DDX51: variants seen among roughly 807,000 people sequenced by gnomAD.
The protein encoded by DDX51 is ATP-dependent RNA helicase DDX51.
A neutral mutation model predicts 74.6 loss-of-function variants in DDX51; 67 were observed. The ratio of observed to expected loss-of-function variants is 0.90; its 90% CI spans 0.74 to 1.10. The LOEUF (loss-of-function observed/expected upper bound fraction) is 1.10, where lower values mean the gene tolerates loss of function less well. Among genes scored for constraint, DDX51 ranks in the 50% least tolerant of loss-of-function variants. The pLI, the probability that DDX51 is intolerant of heterozygous loss-of-function variation, is 0.00. For missense variants in DDX51, 1,056 were observed against 905.2 expected, an observed-to-expected ratio of 1.17 and a Z score of -2.14; for synonymous variants, 545 against 402.9, an observed-to-expected ratio of 1.35 and a Z score of -4.22.
chr12:132,140,868 C>T lies in DDX51; in HGVS notation c.1403G>A (p.Gly468Glu), dbSNP rs1242104816. Residue 468 changes from glycine (G) to glutamate (E), a missense_variant, in exon 9 of 15, where the codon GGG (glycine) becomes GAG (glutamate). Coordinates refer to ENST00000397333, the MANE Select transcript of DDX51 (RefSeq NM_175066.4). Reference sequence around the variant, plus strand: ...AGGAAAGGCATACTTCCCCGAATCCCCGTCCCCATCTGTATCTTCCAGGCC... The same window carrying T: ...AGGAAAGGCATACTTCCCCGAATCCTCGTCCCCATCTGTATCTTCCAGGCC... ...HRGLEDTDGD[G>E]DSGKYAFPVG... 2.5e-6 allele frequency: 4 copies of T among 1,613,668 alleles called. No homozygotes were observed. In the Admixed American group the frequency reaches 5.0e-5, roughly 20 times the overall value.
rs762733379 is a variant in DDX51 at position 132,139,036 on chromosome 12, C to G, written c.*236G>C. 1.8e-6 allele frequency: 1 copy of G among 555,310 alleles called. No individual in the cohort carries two copies. Among genetic ancestry groups the G allele is most frequent in the African/African-American group, 1.9e-5 (1 of 53,410 alleles). The allele number at this position is 555,310 out of a possible 1,614,324, so 34.4% of individuals were successfully genotyped here. On this transcript the variant is annotated 3_prime_UTR_variant, in exon 15 of 15. Transcript: ENST00000397333. ...ACCGTTTTACTAAGGCTTCATTGCC[C>G]GCAGCCATCCTGACCTCCACACTCT...
rs776376384 is a variant in DDX51 at position 132,140,415 on chromosome 12, G to A, written c.1673+8C>T. On this transcript the variant is annotated splice_region_variant and intron_variant, in intron 11 of 14. Transcript: ENST00000397333. ...CCACAGAGGCCTTGCCCCTGCCCAG[G>A]AACTCACAGCTGGATCTTCCCCTGT... The A allele has an allele frequency of 6.2e-7, 1 of 1,612,194 alleles. No homozygotes were observed. The highest frequency in any genetic ancestry group is 1.3e-5 in the African/African-American group (1 of 74,204).
chr12:132,140,380 C>T (rs752542831), intron 11 of DDX51, 43 bp downstream of exon 11: 41 of 1,600,356 alleles, frequency 2.6e-5, no homozygotes, highest in Middle Eastern at 1.7e-4. Flanking sequence ...CTGGAGTGGG[C>T]ACCCCCACCC....
Position 132,142,350 on chromosome 12 carries a change from C to T in DDX51, c.743G>A (p.Arg248Gln), listed in dbSNP as rs35650459. The T allele has an allele frequency of 1.1e-4, 179 of 1,613,004 alleles. No homozygotes were observed. In the Middle Eastern group the frequency reaches 1.7e-3, roughly 15 times the overall value. The change falls in exon 4 of 15, where the codon CGG becomes CAG. Residue 248 changes from arginine to glutamine, a missense_variant. Coordinates refer to ENST00000397333, the MANE Select transcript of DDX51 (RefSeq NM_175066.4). The part of the protein sequence containing the change: ...CGFLVGRGGY[R>Q]PSDLCVSAPT... Reference sequence around the variant, plus strand: ...GGCAGAAACACAGAGGTCGCTAGGCCGGTAGCCACCTCTGCCCACCAGAAA... The same window carrying T: ...GGCAGAAACACAGAGGTCGCTAGGCTGGTAGCCACCTCTGCCCACCAGAAA...
rs1268903382 is a variant in DDX51, at chr12:132,140,753, G to A, written c.1441-18C>T. The A allele has an allele frequency of 1.2e-6, 2 of 1,613,022 alleles. No homozygotes were observed. The highest frequency in any genetic ancestry group is 1.1e-5 in the South Asian group (1 of 91,090). On this transcript the variant is annotated intron_variant, in intron 9 of 14. Transcript: ENST00000397333. ...TAGTGGTGCTACAGGGACGGCAGGG[G>A]GTCGGGGTGGAGGTGAGGGTTGGTT...
intron 2 of DDX51, 172 bp downstream of exon 2, chr12:132,143,523 T>C: frequency 3.6e-6 from 3 of 843,312 alleles, no homozygotes; most frequent in Non-Finnish European, 5.3e-6. Context: ...ACGGGAGCTC[T>C]GCACGTGCAG....
In DDX51 at chr12:132,140,559, C is replaced by G. The variant is rs375258932; in HGVS notation, c.1557-20G>C. 6.2e-7 allele frequency: 1 copy of G among 1,612,808 alleles called. No individual in the cohort carries two copies. Among genetic ancestry groups the G allele is most frequent in the South Asian group, 1.1e-5 (1 of 91,074 alleles). ...AAGAGCCTAGGCAGAGAGAAGGCTG[C>G]GGCCAAGTGATGCTGGGACCAGAGG... is the stretch of plus-strand genomic sequence containing the variant. On this transcript the variant is annotated intron_variant, in intron 10 of 14. Transcript: ENST00000397333.
At chr12:132,143,544 C>T (rs1461927300) in intron 2 of DDX51, 151 bp downstream of exon 2, 2 of 1,035,116 alleles carry the variant, frequency 1.9e-6, no homozygotes, top group Non-Finnish European at 2.8e-6. Context: ...GATCCAGACC[C>T]CTAGGCGATG....
chr12:132,142,746 T>A lies in DDX51; in HGVS notation c.652A>T (p.Ile218Phe). 6.2e-7 allele frequency: 1 copy of A among 1,612,904 alleles called. No homozygotes were observed. Among genetic ancestry groups the A allele is most frequent in the Non-Finnish European group, 8.5e-7 (1 of 1,179,996 alleles). Residue 218 changes from isoleucine (I) to phenylalanine (F), a missense_variant, in exon 3 of 15, where the codon ATC becomes TTC. By Grantham distance (21) the Ile-to-Phe change is conservative. Coordinates refer to ENST00000397333, the MANE Select transcript of DDX51 (RefSeq NM_175066.4). ...GGGGCACCTGGAAAGTAGGACGAGA[T>A]GCCGTGTGCCCGCAGCTGCTTCTGC... ...DLQKQLRAHG[I>F]SSYFPVQAAV... is the part of the protein sequence containing the mutation.
At position 132,139,263 on chromosome 12, in the gene DDX51, AGC is replaced by A. The variant is rs1339707788; in HGVS notation, c.*7_*8del. On this transcript the variant is annotated 3_prime_UTR_variant, in exon 15 of 15. Transcript: ENST00000397333. ...AGCGTTCAGTCCCTCCGGCCCTCTG[AGC>A]CCCAGCCTAGGCCGCCCTCTGCTTG... 6.2e-7 allele frequency: 1 copy of A among 1,607,974 alleles called. No homozygotes were observed.
rs770047914 is a variant in DDX51 at position 132,140,870 on chromosome 12, G to A, written c.1401C>T (p.Asp467=). The change falls in exon 9 of 15, where the codon GAC becomes GAT. Residue 467 remains aspartate, a synonymous_variant. Transcript: ENST00000397333. ...AHRGLEDTDG[D]GDSGKYAFPV... The stretch of plus-strand genomic sequence containing the variant: ...GAAAGGCATACTTCCCCGAATCCCC[G>A]TCCCCATCTGTATCTTCCAGGCCCC... The A allele has an allele frequency of 3.0e-5, 48 of 1,613,460 alleles. No individual in the cohort carries two copies. Among genetic ancestry groups the A allele is most frequent in the Admixed American group, 1.5e-4 (9 of 59,994 alleles).
intron 5 of DDX51, 30 bp downstream of exon 5, chr12:132,142,089 T>C: frequency 6.4e-7 from 1 of 1,559,334 alleles, no homozygotes; most frequent in Non-Finnish European, 8.7e-7. Flanking sequence ...AGGCGGGCGG[T>C]GCCACGCTCC....
rs934243380 is a variant in DDX51 at position 132,143,551 on chromosome 12, G to A, written c.519+144C>T. On this transcript the variant is annotated intron_variant, in intron 2 of 14. Transcript: ENST00000397333. ...ACGTGCAGGATCCAGACCCCTAGGCGATGAAACTGCAGACCTGGCAGCGAG... is the reference window on the plus strand; with the variant it reads ...ACGTGCAGGATCCAGACCCCTAGGCAATGAAACTGCAGACCTGGCAGCGAG... The A allele has an allele frequency of 5.4e-6, 6 of 1,108,962 alleles. No homozygotes were observed. The African/African-American group carries it at 8.1e-5, about 15-fold the overall frequency. The allele number at this position is 1,108,962 out of a possible 1,614,324, so 68.7% of individuals were successfully genotyped here.
chr12:132,142,067 G>A, intron 5 of DDX51, 52 bp downstream of exon 5: 1 of 1,576,898 alleles, frequency 6.3e-7, no homozygotes, highest in Non-Finnish European at 8.6e-7. Context: ...TGTGCACTCA[G>A]CAGGGAAGCT....
In DDX51 at chr12:132,141,033, G is replaced by T. The variant is rs371407941; in HGVS notation, c.1251-13C>A. The T allele has an allele frequency of 1.3e-6, 2 of 1,583,232 alleles. No individual in the cohort carries two copies. Among genetic ancestry groups the T allele is most frequent in the Admixed American group, 1.9e-5 (1 of 52,176 alleles). On this transcript the variant is annotated splice_polypyrimidine_tract_variant and intron_variant, in intron 8 of 14. Transcript: ENST00000397333. ...GGGACAGCAGGTGCTGGAAGAGAAGGGGGTGTTGCTGGCACCCTACCAGTG... is the reference window on the plus strand; with the variant it reads ...GGGACAGCAGGTGCTGGAAGAGAAGTGGGTGTTGCTGGCACCCTACCAGTG...
chr12:132,139,048 G>C lies in DDX51; in HGVS notation c.*224C>G. On this transcript the variant is annotated 3_prime_UTR_variant, in exon 15 of 15. Transcript: ENST00000397333. The stretch of plus-strand genomic sequence containing the variant: ...AGGCTTCATTGCCCGCAGCCATCCT[G>C]ACCTCCACACTCTGAAAGTGACAAG... 1.7e-6 allele frequency: 1 copy of C among 598,644 alleles called. No homozygotes were observed. Among genetic ancestry groups the C allele is most frequent in the Non-Finnish European group, 2.9e-6 (1 of 346,834 alleles). The allele number at this position is 598,644 out of a possible 1,614,324, so 37.1% of individuals were successfully genotyped here.
rs1283863903 is a variant in DDX51 at position 132,141,430 on chromosome 12, A to C, written c.1105-10T>G. Reference sequence around the variant, plus strand: ...CAGCCTCGTCGATAATCTGCAGGAGACAGGGAGCCCGGGACTGGGTGGCGC... The same window carrying C: ...CAGCCTCGTCGATAATCTGCAGGAGCCAGGGAGCCCGGGACTGGGTGGCGC... On this transcript the variant is annotated splice_polypyrimidine_tract_variant and intron_variant, in intron 7 of 14. Transcript: ENST00000397333. The C allele has an allele frequency of 6.3e-7, 1 of 1,587,526 alleles. No homozygotes were observed. The highest frequency in any genetic ancestry group is 8.5e-7 in the Non-Finnish European group (1 of 1,171,520).
chr12:132,142,957 G>A lies in DDX51; in HGVS notation c.520-79C>T, dbSNP rs140345271. On this transcript the variant is annotated intron_variant, in intron 2 of 14. Transcript: ENST00000397333. ...GAAGCCCACGGTGGAAAAAGCTAGG[G>A]GAGGGAGGCTGGGGAAACCTCTGTC... 6.3e-5 allele frequency: 100 copies of A among 1,592,966 alleles called. No homozygotes were observed. In the East Asian group the frequency reaches 1.9e-3, roughly 30 times the overall value.
intron 2 of DDX51, 103 bp downstream of exon 2, chr12:132,143,592 G>C (rs1329338959): frequency 7.0e-7 from 1 of 1,432,528 alleles, no homozygotes; most frequent in African/African-American, 1.4e-5. Flanking sequence ...GCTGTGACCC[G>C]GGAACATTCG....
Sources: gnomAD v4.1 joint callset for allele counts on GRCh38, gnomAD v4.1.1 for gene constraint, MANE v1.5 for transcripts, NCBI Gene and HGNC (gene_info 2026-07-23, HGNC 2026-07-21) for gene names.